The following PAIP2B variants were observed in gnomAD, a reference collection of about 807,000 sequenced individuals.
PAIP2B encodes polyadenylate-binding protein-interacting protein 2B.
Under a neutral mutation model 17.0 loss-of-function variants are expected in PAIP2B, and 13 were observed. That is an observed-to-expected ratio of 0.76 (90% confidence interval 0.50 to 1.22). PAIP2B has a LOEUF of 1.22. Among genes scored for constraint, PAIP2B ranks in the 50% most tolerant of loss-of-function variants. PAIP2B has a pLI of 0.00. For synonymous variants in PAIP2B, 43 were observed against 48.7 expected (o/e 0.88, Z 0.48); for missense variants, 117 against 144.5 (o/e 0.81, Z 0.98).
At chr2:71,215,830 G>C (rs1470810906) in intron 1 of PAIP2B, among the ~76,000 whole-genome samples, 2 of 152,162 alleles carry the variant, frequency 1.3e-5, no homozygotes, top group Admixed American at 1.3e-4. Context: ...AAATATATTT[G>C]TGTGTACTTT....
At chr2:71,211,803 T>C (rs1675308978) in intron 1 of PAIP2B, among the ~76,000 whole-genome samples, 1 of 152,188 alleles carries the variant, frequency 6.6e-6, no homozygotes, top group African/African-American at 2.4e-5. Flanking sequence ...ATCATTCTAC[T>C]GGAAACGTAC....
chr2:71,218,008 C>T (rs1051903170), intron 1 of PAIP2B, among the ~76,000 whole-genome samples: 2 of 152,102 alleles, frequency 1.3e-5, no homozygotes, highest in Non-Finnish European at 2.9e-5. Flanking sequence ...TTTGAGGCTG[C>T]AGGAGCTATG....
At position 71,202,661 on chromosome 2, in the gene PAIP2B, A is replaced by C; in HGVS notation, c.-11-61T>G. ...AAGGATAAAGGAAATGTAGAGACCT[A>C]AAACATGCAGATTCTGTCAGAAGCT... On this transcript the variant is annotated intron_variant, in intron 1 of 3. Transcript: ENST00000244221. 13 of 1,385,768 alleles carry C rather than the reference A, an allele frequency of 9.4e-6. No individual in the cohort carries two copies. The South Asian group carries it at 1.7e-4, about 18-fold the overall frequency. 85.8% of individuals were successfully genotyped at this position (1,385,768 alleles called of 1,614,324 possible). A position where few individuals can be genotyped will look rare whatever the true frequency, so the allele number is the denominator to read the frequency against.
At chr2:71,212,498 G>A (rs1675325775) in intron 1 of PAIP2B, among the ~76,000 whole-genome samples, 1 of 152,204 alleles carries the variant, frequency 6.6e-6, no homozygotes, top group Non-Finnish European at 1.5e-5. Context: ...CATGCCCTTA[G>A]GGGTTAGGAT....
intron 1 of PAIP2B, among the ~76,000 whole-genome samples, chr2:71,223,872 G>A (rs1675653787): frequency 6.6e-6 from 1 of 152,210 alleles, no homozygotes; most frequent in South Asian, 2.1e-4. Context: ...CATTGTTGGG[G>A]AAAGGGGTTA....
At chr2:71,203,727 A>AT (rs912108290) in intron 1 of PAIP2B, among the ~76,000 whole-genome samples, 1 of 151,252 alleles carries the variant, frequency 6.6e-6, no homozygotes, top group Admixed American at 6.6e-5. Context: ...TATAATTTTT[A>AT]TTTTTTATAA....
intron 2 of PAIP2B, among the ~76,000 whole-genome samples, chr2:71,200,471 G>A (rs1674949632): frequency 6.6e-6 from 1 of 152,190 alleles, no homozygotes; most frequent in African/African-American, 2.4e-5. Context: ...ATGTTGCCAG[G>A]CCAGGCACGG....
rs567014272 is a variant in PAIP2B at position 71,200,186 on chromosome 2, G to A, written c.138+2266C>T. ...TATCAGGGTTGCTAGCTAGAAACCA[G>A]TTTCTACTCCTTAAGATCCAACTCA... is the stretch of plus-strand genomic sequence containing the variant. On this transcript the variant is annotated intron_variant, in intron 2 of 3. Coordinates refer to ENST00000244221, the MANE Select transcript of PAIP2B (RefSeq NM_020459.1). 7.9e-5 allele frequency among the ~76,000 whole-genome samples: 12 copies of A among 152,290 alleles called. No individual in the cohort carries two copies. In the East Asian group the frequency reaches 2.3e-3, roughly 29 times the overall value.
At chr2:71,200,947 A>G (rs1464645862) in intron 2 of PAIP2B, among the ~76,000 whole-genome samples, 1 of 152,108 alleles carries the variant, frequency 6.6e-6, no homozygotes, top group Non-Finnish European at 1.5e-5. Context: ...AGATCTCCAG[A>G]AAAAAAGTTA....
chr2:71,199,969 C>G lies in PAIP2B; in HGVS notation c.138+2483G>C, dbSNP rs147416268. 7.9e-4 allele frequency among the ~76,000 whole-genome samples: 120 copies of G among 152,262 alleles called. No homozygotes were observed. The East Asian group carries it at 0.022, about 28-fold the overall frequency. On this transcript the variant is annotated intron_variant, in intron 2 of 3. Coordinates refer to ENST00000244221, the MANE Select transcript of PAIP2B (RefSeq NM_020459.1). The stretch of plus-strand genomic sequence containing the variant: ...TCCTGAGTTACTTTAAAATAAAAGT[C>G]CCACTACTTTTCTTGAGACTTAATC...
At chr2:71,217,355 CTGGTCTCAAACTCCTGACCTCAGG>C (rs1291178459) in intron 1 of PAIP2B, among the ~76,000 whole-genome samples, 3 of 152,192 alleles carry the variant, frequency 2.0e-5, no homozygotes, top group Non-Finnish European at 2.9e-5. Flanking sequence ...GTTGGTCAGG[CTGGTCTCAAACTCCTGACCTCAGG>C]TGATCCACCC....
intron 2 of PAIP2B, among the ~76,000 whole-genome samples, chr2:71,198,172 T>G (rs947747548): frequency 9.9e-5 from 15 of 152,184 alleles, no homozygotes; most frequent in African/African-American, 3.6e-4. Flanking sequence ...CAGGTTAGAG[T>G]GCAGTGATGT....
At chr2:71,199,392 T>C (rs1472047350) in intron 2 of PAIP2B, among the ~76,000 whole-genome samples, 2 of 146,136 alleles carry the variant, frequency 1.4e-5, no homozygotes, top group Non-Finnish European at 3.0e-5. Context: ...AACGGGAAAA[T>C]GACAGAAGCT....
intron 2 of PAIP2B, among the ~76,000 whole-genome samples, chr2:71,197,505 G>A (rs1674852093): frequency 6.6e-6 from 1 of 152,130 alleles, no homozygotes; most frequent in South Asian, 2.1e-4. Context: ...TGATCTTCTT[G>A]TGTGGAATCT....
At chr2:71,199,851 C>T (rs1341496336) in intron 2 of PAIP2B, among the ~76,000 whole-genome samples, 1 of 152,160 alleles carries the variant, frequency 6.6e-6, no homozygotes, top group African/African-American at 2.4e-5. Context: ...CATAGCAAGA[C>T]CCCATTTCTT....
intron 1 of PAIP2B, among the ~76,000 whole-genome samples, chr2:71,206,063 T>C (rs13005580): frequency 0.067 from 10,147 of 152,296 alleles, 378 homozygotes; most frequent in African/African-American, 0.092. Context: ...ACAGAAATTA[T>C]GAAATAATAA....
intron 1 of PAIP2B, among the ~76,000 whole-genome samples, chr2:71,224,322 T>A (rs1675667639): frequency 6.6e-6 from 1 of 152,240 alleles, no homozygotes; most frequent in African/African-American, 2.4e-5. Context: ...AATTTTGTAA[T>A]CTGTGTGAGA....
chr2:71,188,343 C>T lies in PAIP2B; in HGVS notation c.*136G>A, dbSNP rs938271429. The T allele has an allele frequency of 1.1e-4, 74 of 675,928 alleles. No homozygotes were observed. Among genetic ancestry groups the T allele is most frequent in the Non-Finnish European group, 1.8e-4 (67 of 382,760 alleles). 41.9% of individuals were successfully genotyped at this position (675,928 alleles called of 1,614,324 possible). ...TGAGCATATTAGTTACTCAGAGTCACAGTATTGTGAGACCACCACTCCCCT... is the reference window on the plus strand; with the variant it reads ...TGAGCATATTAGTTACTCAGAGTCATAGTATTGTGAGACCACCACTCCCCT... On this transcript the variant is annotated 3_prime_UTR_variant, in exon 4 of 4. Transcript: ENST00000244221.
intron 2 of PAIP2B, among the ~76,000 whole-genome samples, chr2:71,195,171 C>T (rs949753713): frequency 1.3e-5 from 2 of 152,038 alleles, no homozygotes; most frequent in East Asian, 3.9e-4. Flanking sequence ...AGGATATTTC[C>T]CTGAAGTTTT....
Sources: gnomAD v4.1 joint callset for allele counts (sites outside exome capture counted in the v4.1 genomes callset) on GRCh38, gnomAD v4.1.1 for gene constraint, MANE v1.5 for transcripts, NCBI Gene and HGNC (gene_info 2026-07-23, HGNC 2026-07-21) for gene names.